Variants in SMOX observed in about 807,000 individuals in gnomAD.
The protein encoded by SMOX is spermine oxidase.
Under a neutral mutation model 51.0 loss-of-function variants are expected in SMOX, and 22 were observed. That is an observed-to-expected ratio of 0.43 (90% CI 0.31 to 0.62). SMOX has a LOEUF of 0.62. SMOX is among the 20% of genes least tolerant of loss of function. The pLI is 0.10. For missense variants in SMOX, 566 were observed against 777.7 expected (o/e 0.73, Z 3.24); for synonymous variants, 282 against 307.8 (o/e 0.92, Z 0.88).
At position 4,170,959 on chromosome 20, in the gene SMOX, A is replaced by G. The variant is rs1026795331; in HGVS notation, c.-26-4071A>G. On this transcript the variant is annotated intron_variant, in intron 1 of 6. Coordinates refer to ENST00000305958, the MANE Select transcript of SMOX (RefSeq NM_175839.3). The surrounding 1 kb of genome is among the most constrained non-coding windows in gnomAD (Gnocchi z 4.6). The stretch of plus-strand genomic sequence containing the variant: ...TCCTAGGCATTGCCTGCTTGGGGAC[A>G]TGGAGAATAACCTCAAGGCGTGGGT... Among the ~76,000 whole-genome samples, 10 of 152,174 alleles carry G rather than the reference A, an allele frequency of 6.6e-5. No individual in the cohort carries two copies. The highest frequency in any genetic ancestry group is 2.2e-4 in the African/African-American group (9 of 41,438).
chr20:4,170,609 TGAA>T lies in SMOX; in HGVS notation c.-26-4416_-26-4414del, dbSNP rs1986783167. ...TGGGGAGGATGTTCCAGGGATGGGA[TGAA>T]GAAGTGGCAGTTCACACAAACTTTG... is the stretch of plus-strand genomic sequence containing the variant. On this transcript the variant is annotated intron_variant, in intron 1 of 6. Transcript: ENST00000305958. This position sits in a 1 kb window ranked among gnomAD's most constrained non-coding sequence, Gnocchi z 4.6. 6.6e-6 allele frequency among the ~76,000 whole-genome samples: 1 copy of T among 152,158 alleles called. No individual in the cohort carries two copies. The highest frequency in any genetic ancestry group is 2.4e-5 in the African/African-American group (1 of 41,426).
Position 4,149,627 on chromosome 20 carries a change from A to G in SMOX, c.-27+650A>G. Among the ~76,000 whole-genome samples the G allele has an allele frequency of 6.6e-6, 1 of 151,890 alleles. No homozygotes were observed. Among genetic ancestry groups the G allele is most frequent in the East Asian group, 2.0e-4 (1 of 5,116 alleles). ...CTCGCAAAGGGTTCGGGTGTGTTGG[A>G]GGGCTCACTTTGTGGGAGGGGCTGA... On this transcript the variant is annotated intron_variant, in intron 1 of 6. Coordinates refer to ENST00000305958, the MANE Select transcript of SMOX (RefSeq NM_175839.3). The surrounding 1 kb of genome is among the most constrained non-coding windows in gnomAD (Gnocchi z 6.0).
intron 1 of SMOX, among the ~76,000 whole-genome samples, chr20:4,158,000 A>C (rs1006795881): frequency 2.0e-5 from 3 of 151,708 alleles, no homozygotes; most frequent in Non-Finnish European, 4.4e-5. Context: ...TCCCGGGTTC[A>C]CGCCATTCTC....
In SMOX at chr20:4,153,331, G is replaced by T. The variant is rs1985855513; in HGVS notation, c.-27+4354G>T. ...TCTGCCTGTAAAATGGGATTAGAGG[G>T]ACTTTTTTTCTTTGCTCCCTGGAGG... On this transcript the variant is annotated intron_variant, in intron 1 of 6. Coordinates refer to ENST00000305958, the MANE Select transcript of SMOX (RefSeq NM_175839.3). The surrounding 1 kb of genome is among the most constrained non-coding windows in gnomAD (Gnocchi z 4.4). 6.6e-6 allele frequency among the ~76,000 whole-genome samples: 1 copy of T among 152,166 alleles called. No individual in the cohort carries two copies. Among genetic ancestry groups the T allele is most frequent in the Non-Finnish European group, 1.5e-5 (1 of 68,042 alleles).
At chr20:4,163,175 T>G (rs1387225310) in intron 1 of SMOX, among the ~76,000 whole-genome samples, 1 of 150,800 alleles carries the variant, frequency 6.6e-6, no homozygotes, top group African/African-American at 2.4e-5. Context: ...GAGCCTTGGC[T>G]GTACATTGGC....
At chr20:4,163,614 G>T (rs1986432169) in intron 1 of SMOX, among the ~76,000 whole-genome samples, 1 of 152,200 alleles carries the variant, frequency 6.6e-6, no homozygotes, top group Admixed American at 6.5e-5. Flanking sequence ...AGTTTAGTTG[G>T]GTGGTTCTGG....
At chr20:4,159,251 A>G (rs1215091679) in intron 1 of SMOX, among the ~76,000 whole-genome samples, 1 of 152,110 alleles carries the variant, frequency 6.6e-6, no homozygotes, top group Non-Finnish European at 1.5e-5. Context: ...AGCTAGGATT[A>G]CAGGTGCCTG....
At position 4,167,050 on chromosome 20, in the gene SMOX, C is replaced by T. The variant is rs901682247; in HGVS notation, c.-26-7980C>T. On this transcript the variant is annotated intron_variant, in intron 1 of 6. Transcript: ENST00000305958. The surrounding 1 kb of genome is among the most constrained non-coding windows in gnomAD (Gnocchi z 4.8). ...GCGGGGGCTCTGCTGAAAGAGGCTC[C>T]CAAGCTTTTCCCTTTCATGAGCTTG... is the stretch of plus-strand genomic sequence containing the variant. Among the ~76,000 whole-genome samples, 5 of 152,166 alleles carry T rather than the reference C, an allele frequency of 3.3e-5. No homozygotes were observed. The highest frequency in any genetic ancestry group is 9.7e-5 in the African/African-American group (4 of 41,438).
chr20:4,182,936 C>A lies in SMOX; in HGVS notation c.1369+88C>A. The stretch of plus-strand genomic sequence containing the variant: ...GGTGGACCCATGGCAGCTCTCTCCT[C>A]CCCAGACCGTGAAGCTCGGATGCTG... On this transcript the variant is annotated intron_variant, in intron 5 of 6. Transcript: ENST00000305958. This position sits in a 1 kb window ranked among gnomAD's most constrained non-coding sequence, Gnocchi z 8.4. 2 of 1,477,608 alleles carry A rather than the reference C, an allele frequency of 1.4e-6. No individual in the cohort carries two copies. The highest frequency in any genetic ancestry group is 2.7e-5 in the South Asian group (2 of 74,098). 91.5% of individuals were successfully genotyped at this position (1,477,608 alleles called of 1,614,324 possible). A position where few individuals can be genotyped will look rare whatever the true frequency, so the allele number is the denominator to read the frequency against.
At position 4,182,729 on chromosome 20, in the gene SMOX, CT is replaced by C. The variant is rs1271492168; in HGVS notation, c.1251del (p.Glu418SerfsTer7). 1.9e-6 allele frequency: 3 copies of C among 1,614,092 alleles called. No individual in the cohort carries two copies. The highest frequency in any genetic ancestry group is 2.5e-6 in the Non-Finnish European group (3 of 1,180,046). On this transcript the variant is annotated frameshift_variant, in exon 5 of 7. Transcript: ENST00000305958. LOFTEE classifies it high-confidence loss of function. This position sits in a 1 kb window ranked among gnomAD's most constrained non-coding sequence, Gnocchi z 8.4. ...KICGFDVLYP[P>X]ERYGHVLSGW... ...TGCGGCTTTGATGTCCTCTACCCGC[CT>C]GAGCGCTACGGCCATGTGCTGAGCG...
Position 4,183,458 on chromosome 20 carries a change from T to C in SMOX, c.1370-36T>C. 6.2e-7 allele frequency: 1 copy of C among 1,613,982 alleles called. No homozygotes were observed. The highest frequency in any genetic ancestry group is 1.3e-5 in the African/African-American group (1 of 75,010). On this transcript the variant is annotated intron_variant, in intron 5 of 6. Transcript: ENST00000305958. The surrounding 1 kb of genome is among the most constrained non-coding windows in gnomAD (Gnocchi z 4.3). ...ATCTTCCATATGCAGCCATTTCTTA[T>C]CCTCCCTCCTCTTGGCTTTTCTGAC... is the stretch of plus-strand genomic sequence containing the variant.
In SMOX at chr20:4,170,044, G is replaced by T. The variant is rs935204896; in HGVS notation, c.-26-4986G>T. ...AGGCCTGCTACATAGTAGGTGCTCAGTGAATTGCTAAATTATATTCCCTGG... is the reference window on the plus strand; with the variant it reads ...AGGCCTGCTACATAGTAGGTGCTCATTGAATTGCTAAATTATATTCCCTGG... On this transcript the variant is annotated intron_variant, in intron 1 of 6. Transcript: ENST00000305958. This position sits in a 1 kb window ranked among gnomAD's most constrained non-coding sequence, Gnocchi z 4.6. Among the ~76,000 whole-genome samples the T allele has an allele frequency of 6.6e-6, 1 of 152,068 alleles. No homozygotes were observed. The highest frequency in any genetic ancestry group is 2.4e-5 in the African/African-American group (1 of 41,408).
chr20:4,178,787 G>A (rs1444048325), intron 3 of SMOX, among the ~76,000 whole-genome samples: 2 of 151,524 alleles, frequency 1.3e-5, no homozygotes, highest in Non-Finnish European at 2.9e-5. Context: ...AGGTTCAAGC[G>A]ATTCTCCTGC....
At position 4,172,756 on chromosome 20, in the gene SMOX, T is replaced by C. The variant is rs1978509704; in HGVS notation, c.-26-2274T>C. The stretch of plus-strand genomic sequence containing the variant: ...CGATTCTGCACGGAGTTGGCGGGCC[T>C]GGGTCTCAGGGGGACTTGGAGGGAT... On this transcript the variant is annotated intron_variant, in intron 1 of 6. Transcript: ENST00000305958. The surrounding 1 kb of genome is among the most constrained non-coding windows in gnomAD (Gnocchi z 7.7). Among the ~76,000 whole-genome samples, 1 of 124,248 alleles carries C rather than the reference T, an allele frequency of 8.0e-6. No individual in the cohort carries two copies. Among genetic ancestry groups the C allele is most frequent in the Non-Finnish European group, 1.6e-5 (1 of 60,886 alleles). 81.5% of individuals were successfully genotyped at this position (124,248 alleles called of 152,430 possible).
At chr20:4,163,332 T>C (rs1489112008) in intron 1 of SMOX, among the ~76,000 whole-genome samples, 2 of 152,362 alleles carry the variant, frequency 1.3e-5, no homozygotes, top group Non-Finnish European at 2.9e-5. Context: ...TTCCTGTCTC[T>C]TGGGCCTTAT....
In SMOX at chr20:4,181,799, G is replaced by A; in HGVS notation, c.436-4G>A. The A allele has an allele frequency of 6.2e-7, 1 of 1,613,434 alleles. No individual in the cohort carries two copies. The highest frequency in any genetic ancestry group is 8.5e-7 in the Non-Finnish European group (1 of 1,179,646). On this transcript the variant is annotated splice_polypyrimidine_tract_variant and splice_region_variant and intron_variant, in intron 3 of 6. Transcript: ENST00000305958. The surrounding 1 kb of genome is among the most constrained non-coding windows in gnomAD (Gnocchi z 5.6). Reference sequence around the variant, plus strand: ...TTTTCAGTCTCATGGGGTCTCTCTGGCAGGTCTATAACTTGACCCAGGAGT... The same window carrying A: ...TTTTCAGTCTCATGGGGTCTCTCTGACAGGTCTATAACTTGACCCAGGAGT...
At chr20:4,163,963 C>T (rs137855148) in intron 1 of SMOX, among the ~76,000 whole-genome samples, 54 of 152,308 alleles carry the variant, frequency 3.5e-4, no homozygotes, top group Middle Eastern at 3.4e-3. Flanking sequence ...CACCAAGGCA[C>T]GAATCCCAGG....
chr20:4,182,058 T>TC lies in SMOX; in HGVS notation c.610-30dup. ...TCCTACCCCTGCCCAACCCCGGCGG[T>TC]CACCTGGCTTCTCCTTGGGTCTTCC... On this transcript the variant is annotated intron_variant, in intron 4 of 6. Transcript: ENST00000305958. The surrounding 1 kb of genome is among the most constrained non-coding windows in gnomAD (Gnocchi z 8.4). 6.3e-7 allele frequency: 1 copy of TC among 1,584,522 alleles called. No homozygotes were observed. The highest frequency in any genetic ancestry group is 2.2e-5 in the East Asian group (1 of 44,470).
In SMOX at chr20:4,186,984, GT is replaced by G. The variant is rs1350289947; in HGVS notation, c.1531-284del. ...GATGAGAAAAGCAAGGCTTAGGGAG[GT>G]TAAACCACCTGCCTCAAGTTGACAA... is the stretch of plus-strand genomic sequence containing the variant. On this transcript the variant is annotated intron_variant, in intron 6 of 6. Coordinates refer to ENST00000305958, the MANE Select transcript of SMOX (RefSeq NM_175839.3). 5.0e-6 allele frequency: 3 copies of G among 604,740 alleles called. No homozygotes were observed. In the Admixed American group the frequency reaches 8.7e-5, roughly 18 times the overall value. The allele number at this position is 604,740 out of a possible 1,614,324, so 37.5% of individuals were successfully genotyped here. A position where few individuals can be genotyped will look rare whatever the true frequency, so the allele number is the denominator to read the frequency against.
Sources: allele counts gnomAD v4.1 joint callset (sites outside exome capture counted in the v4.1 genomes callset), GRCh38; gene constraint gnomAD v4.1.1; non-coding constraint Gnocchi (gnomAD v3.1); transcripts MANE v1.5; gene names NCBI Gene and HGNC (gene_info 2026-07-23, HGNC 2026-07-21).